Variants in WDPCP observed in about 807,000 individuals in gnomAD.
WDPCP encodes WD repeat-containing and planar cell polarity effector protein fritz homolog.
Under a neutral mutation model 93.1 loss-of-function variants are expected in WDPCP, and 71 were observed. That is an observed-to-expected ratio of 0.76 (90% CI 0.63 to 0.93). The LOEUF is 0.93. Ranked by LOEUF, WDPCP falls within the 40% of genes least tolerant of loss-of-function variation. The pLI is 0.00. For synonymous variants in WDPCP, 315 were observed against 315.0 expected (o/e 1.00, Z 0.00); for missense variants, 844 against 887.4 (o/e 0.95, Z 0.62).
At chr2:63,640,949 C>G (rs1288604224) in intron 3 of WDPCP, among the ~76,000 whole-genome samples, 1 of 152,110 alleles carries the variant, frequency 6.6e-6, no homozygotes, top group Non-Finnish European at 1.5e-5. Context: ...GTTAACCATC[C>G]CCATCTTCCT....
intron 1 of WDPCP, among the ~76,000 whole-genome samples, chr2:63,536,952 G>T (rs1315693047): frequency 6.6e-6 from 1 of 151,952 alleles, no homozygotes; most frequent in Non-Finnish European, 1.5e-5. Flanking sequence ...ATTTTTAAGA[G>T]AGATGGGGTT....
At chr2:63,771,933 T>C (rs1198577214) in intron 2 of WDPCP, among the ~76,000 whole-genome samples, 5 of 152,056 alleles carry the variant, frequency 3.3e-5, no homozygotes, top group Admixed American at 3.3e-4. Context: ...ACATTTTCTT[T>C]ATCTAGTCCA....
Position 63,484,953 on chromosome 2 carries a change from G to T in WDPCP, c.288C>A (p.Arg96=). 1.2e-6 allele frequency: 2 copies of T among 1,612,580 alleles called. No individual in the cohort carries two copies. The highest frequency in any genetic ancestry group is 1.7e-4 in the Middle Eastern group (1 of 6,050). ...RDYPWTLKNR[R]PEKLRDSLKE... Reference sequence around the variant, plus strand: ...TGAGCGAGTCTCGGAGTTTTTCTGGGCGTCTGTTTTTGAGCGTCCAAGGAT... The same window carrying T: ...TGAGCGAGTCTCGGAGTTTTTCTGGTCGTCTGTTTTTGAGCGTCCAAGGAT... Residue 96 remains arginine, a synonymous_variant, in exon 5 of 18, where the codon CGC becomes CGA. Coordinates refer to ENST00000272321, the MANE Select transcript of WDPCP (RefSeq NM_015910.7).
intron 1 of WDPCP, among the ~76,000 whole-genome samples, chr2:63,553,050 GA>G (rs1705803176): frequency 6.6e-6 from 1 of 152,160 alleles, no homozygotes; most frequent in Non-Finnish European, 1.5e-5. Flanking sequence ...GGCACTGAAG[GA>G]AAAGCATCCA....
At chr2:63,425,013 C>T (rs1696161383) in intron 9 of WDPCP, among the ~76,000 whole-genome samples, 1 of 152,116 alleles carries the variant, frequency 6.6e-6, no homozygotes, top group Non-Finnish European at 1.5e-5. Flanking sequence ...TACTCTTAAG[C>T]GCCATCTACT....
chr2:63,303,283 G>T (rs1239861561), intron 13 of WDPCP, among the ~76,000 whole-genome samples: 1 of 152,172 alleles, frequency 6.6e-6, no homozygotes, highest in Non-Finnish European at 1.5e-5. Flanking sequence ...GGGGCCTAAG[G>T]AGTTGTACCA....
chr2:63,746,058 G>A (rs1374651327), intron 2 of WDPCP, among the ~76,000 whole-genome samples: 2 of 152,136 alleles, frequency 1.3e-5, no homozygotes, highest in African/African-American at 2.4e-5. Flanking sequence ...GAAATGTGTT[G>A]TGGGAAGTCA....
chr2:63,545,003 T>C (rs2106325156), intron 1 of WDPCP, among the ~76,000 whole-genome samples: 1 of 152,230 alleles, frequency 6.6e-6, no homozygotes, highest in African/African-American at 2.4e-5. Context: ...TAGTTAAAAC[T>C]AAGAATTCAT....
At chr2:63,793,497 A>G (rs1034169552) in intron 2 of WDPCP, among the ~76,000 whole-genome samples, 1 of 152,002 alleles carries the variant, frequency 6.6e-6, no homozygotes, top group African/African-American at 2.4e-5. Context: ...CGTAATCCCA[A>G]CACTCTGGGA....
intron 12 of WDPCP, among the ~76,000 whole-genome samples, chr2:63,349,229 C>T (rs1398015143): frequency 6.6e-6 from 1 of 151,394 alleles, no homozygotes; most frequent in Non-Finnish European, 1.5e-5. Flanking sequence ...GTTGGAAGTA[C>T]CTGTTTCTTT....
intron 1 of WDPCP, among the ~76,000 whole-genome samples, chr2:63,570,064 T>C (rs940369228): frequency 5.3e-5 from 8 of 152,162 alleles, no homozygotes; most frequent in Non-Finnish European, 8.8e-5. Context: ...ACTACAGAAA[T>C]AACTGGGTGC....
At chr2:63,466,103 T>C (rs1470644181) in intron 6 of WDPCP, among the ~76,000 whole-genome samples, 5 of 152,092 alleles carry the variant, frequency 3.3e-5, no homozygotes, top group Admixed American at 1.3e-4. Flanking sequence ...TAGACCAATT[T>C]ATATGCTTAG....
At chr2:63,181,222 T>A (rs912315276) in intron 14 of WDPCP, among the ~76,000 whole-genome samples, 1 of 152,136 alleles carries the variant, frequency 6.6e-6, no homozygotes, top group African/African-American at 2.4e-5. Flanking sequence ...TGTCTATTTG[T>A]GTTTTTGTTG....
chr2:63,201,190 C>T (rs964822903), intron 14 of WDPCP, among the ~76,000 whole-genome samples: 1 of 152,140 alleles, frequency 6.6e-6, no homozygotes, highest in African/African-American at 2.4e-5. Context: ...CTTCCTCCTG[C>T]TCCAGACATG....
intron 6 of WDPCP, among the ~76,000 whole-genome samples, chr2:63,447,363 A>T (rs1024340316): frequency 6.6e-6 from 1 of 152,176 alleles, no homozygotes; most frequent in African/African-American, 2.4e-5. Flanking sequence ...ATGATTTTTT[A>T]AAACTTTTGT....
intron 2 of WDPCP, among the ~76,000 whole-genome samples, chr2:63,757,247 C>T (rs1277821433): frequency 6.6e-6 from 1 of 152,156 alleles, no homozygotes; most frequent in Non-Finnish European, 1.5e-5. Flanking sequence ...AATCAGGTAA[C>T]ATTCCTCAAA....
chr2:63,301,896 T>C (rs6713500), intron 13 of WDPCP, among the ~76,000 whole-genome samples: 1 of 151,870 alleles, frequency 6.6e-6, no homozygotes, highest in Non-Finnish European at 1.5e-5. Context: ...CCTGAGACTT[T>C]AAAGAAAAAG....
At chr2:63,232,232 A>T (rs1232421599) in intron 14 of WDPCP, among the ~76,000 whole-genome samples, 3 of 152,208 alleles carry the variant, frequency 2.0e-5, no homozygotes, top group Non-Finnish European at 2.9e-5. Context: ...AAAACCCTAG[A>T]AGCAAACGTA....
chr2:63,250,803 T>C (rs908844702), intron 14 of WDPCP, among the ~76,000 whole-genome samples: 22 of 152,306 alleles, frequency 1.4e-4, no homozygotes, highest in Non-Finnish European at 2.8e-4. Context: ...TATTTAGCCA[T>C]ATATATTTTA....
Sources: gnomAD v4.1 joint callset for allele counts (sites outside exome capture counted in the v4.1 genomes callset) on GRCh38, gnomAD v4.1.1 for gene constraint, MANE v1.5 for transcripts, NCBI Gene and HGNC (gene_info 2026-07-23, HGNC 2026-07-21) for gene names.